MRE11: variants seen among roughly 807,000 people sequenced by gnomAD.
MRE11 encodes double-strand break repair protein MRE11.
In MRE11, 62 loss-of-function variants were observed where a neutral mutation model predicts 91.7. The observed-to-expected ratio is 0.68, with a 90% CI of 0.55 to 0.84. The LOEUF is 0.84. Among genes scored for constraint, MRE11 ranks in the 40% least tolerant of loss-of-function variants. The probability of loss-of-function intolerance (pLI) is 0.00; values close to 1 mark genes in which losing one functional copy is unlikely to be tolerated. For synonymous variants in MRE11, 273 were observed against 271.4 expected (o/e 1.01, Z -0.06); for missense variants, 796 against 852.9 (o/e 0.93, Z 0.83).
chr11:94,422,250 C>G (rs895204721), intron 19 of MRE11, among the ~76,000 whole-genome samples: 3 of 152,044 alleles, frequency 2.0e-5, no homozygotes, highest in Non-Finnish European at 2.9e-5. Flanking sequence ...AGAGGTAAGT[C>G]CTGACTTATA....
intron 11 of MRE11, 91 bp from the exon 12 acceptor site, chr11:94,461,127 C>T (rs759921464): frequency 9.0e-7 from 1 of 1,116,378 alleles, no homozygotes; most frequent in Non-Finnish European, 1.3e-6. Flanking sequence ...GAAGGTAAGG[C>T]CAAACTTTAG....
At chr11:94,497,299 C>T (rs2135161747), upstream of MRE11, 1 of 436,306 alleles carries the variant, frequency 2.3e-6, no homozygotes, top group Middle Eastern at 6.0e-4. Flanking sequence ...CATCATGTAT[C>T]CCTATAAGTA....
Position 94,493,801 on chromosome 11 carries a change from C to A in MRE11, c.-116G>T, listed in dbSNP as rs1947360833. 6.6e-6 allele frequency: 1 copy of A among 152,240 alleles called. No homozygotes were observed. Among genetic ancestry groups the A allele is most frequent in the Non-Finnish European group, 1.5e-5 (1 of 68,064 alleles). 9.4% of individuals were successfully genotyped at this position (152,240 alleles called of 1,614,324 possible). A position where few individuals can be genotyped will look rare whatever the true frequency, so the allele number is the denominator to read the frequency against. ...ACGGTCTGAACTTGCCTCTGAGAAC[C>A]CGCAGGGCCGTAAACCTGAATTCCG... On this transcript the variant is annotated 5_prime_UTR_variant, in exon 1 of 20. Transcript: ENST00000323929.
chr11:94,422,675 CTT>C (rs1240216964), intron 19 of MRE11, among the ~76,000 whole-genome samples: 1 of 151,964 alleles, frequency 6.6e-6, no homozygotes, highest in Non-Finnish European at 1.5e-5. Context: ...CTTGTTAACT[CTT>C]AACATTAACT....
rs549450750 is a variant in MRE11 at position 94,426,021 on chromosome 11, T to C, written c.2070+3890A>G. On this transcript the variant is annotated intron_variant, in intron 19 of 19. Coordinates refer to ENST00000323929, the MANE Select transcript of MRE11 (RefSeq NM_005591.4). Reference sequence around the variant, plus strand: ...AATACTTCATCCAGTAACTGCAGGATACAAATTCTTCCCATCTACACACAG... The same window carrying C: ...AATACTTCATCCAGTAACTGCAGGACACAAATTCTTCCCATCTACACACAG... Among the ~76,000 whole-genome samples the C allele has an allele frequency of 2.0e-5, 3 of 151,976 alleles. No individual in the cohort carries two copies. The South Asian group carries it at 6.2e-4, about 32-fold the overall frequency.
chr11:94,449,342 C>T (rs1797162960), intron 14 of MRE11, among the ~76,000 whole-genome samples: 1 of 152,234 alleles, frequency 6.6e-6, no homozygotes, highest in African/African-American at 2.4e-5. Context: ...ACAGTGATTT[C>T]AATTCATCTT....
At chr11:94,485,306 A>G (rs1947111855) in intron 4 of MRE11, among the ~76,000 whole-genome samples, 1 of 152,150 alleles carries the variant, frequency 6.6e-6, no homozygotes, top group African/African-American at 2.4e-5. Context: ...GGATTGACAA[A>G]TATCATAAAT....
In MRE11 at chr11:94,447,256, C is replaced by T. The variant is rs778762259; in HGVS notation, c.1746G>A (p.Gln582=). Residue 582 remains glutamine (Q), a synonymous_variant, in exon 15 of 20, where the codon CAG becomes CAA. Coordinates refer to ENST00000323929, the MANE Select transcript of MRE11 (RefSeq NM_005591.4). ...GAGACCCTCCTCTCGATGCTGAATT[C>T]TGCCCTCTTCCACCTCTTCGACCTC... ...RGRGRRGGRG[Q]NSASRGGSQR... 1.2e-6 allele frequency: 2 copies of T among 1,613,892 alleles called. No individual in the cohort carries two copies. The highest frequency in any genetic ancestry group is 1.7e-6 in the Non-Finnish European group (2 of 1,180,018).
chr11:94,453,097 TG>T (rs1260984655), intron 14 of MRE11, among the ~76,000 whole-genome samples: 4 of 152,190 alleles, frequency 2.6e-5, no homozygotes, highest in African/African-American at 9.7e-5. Context: ...CTTTTGCAAC[TG>T]TTTTTTTTTC....
chr11:94,444,610 T>C (rs1267397210), intron 16 of MRE11, among the ~76,000 whole-genome samples: 2 of 152,192 alleles, frequency 1.3e-5, no homozygotes, highest in Non-Finnish European at 2.9e-5. Context: ...ATTTGGACAG[T>C]TGGGTATGCC....
At chr11:94,492,575 T>G in intron 2 of MRE11, 3 of 857,832 alleles carry the variant, frequency 3.5e-6, no homozygotes, top group Non-Finnish European at 5.5e-6. Context: ...ACTGCAAGAC[T>G]CCAATCTATA....
At chr11:94,471,529 T>C (rs759676832) in intron 8 of MRE11, 45 bp downstream of exon 8, 1 of 1,580,370 alleles carries the variant, frequency 6.3e-7, no homozygotes, top group South Asian at 1.1e-5. Context: ...TTAGTTATTA[T>C]AGCAAAGATT....
intron 4 of MRE11, among the ~76,000 whole-genome samples, chr11:94,481,222 G>A (rs1947005039): frequency 6.6e-6 from 1 of 151,966 alleles, no homozygotes; most frequent in African/African-American, 2.4e-5. Flanking sequence ...GGCAGGACAA[G>A]TGCTTGAATC....
At chr11:94,478,973 C>T in intron 5 of MRE11, 97 bp from the exon 6 acceptor site, 2 of 1,324,620 alleles carry the variant, frequency 1.5e-6, no homozygotes, top group South Asian at 2.4e-5. Context: ...CCATATTCTA[C>T]TTACAAAAAC....
At chr11:94,453,733 G>A (rs887517637) in intron 14 of MRE11, among the ~76,000 whole-genome samples, 1 of 152,100 alleles carries the variant, frequency 6.6e-6, no homozygotes, top group African/African-American at 2.4e-5. Context: ...CTTATCAGAT[G>A]TATGATTTGC....
At chr11:94,484,383 T>C (rs1405382044) in intron 4 of MRE11, among the ~76,000 whole-genome samples, 3 of 152,168 alleles carry the variant, frequency 2.0e-5, no homozygotes, top group Non-Finnish European at 4.4e-5. Flanking sequence ...CACTGATGAA[T>C]CTAAAATTAA....
At chr11:94,485,881 C>G (rs746571154) in intron 4 of MRE11, 43 bp downstream of exon 4, 2 of 1,579,046 alleles carry the variant, frequency 1.3e-6, no homozygotes, top group South Asian at 1.1e-5. Flanking sequence ...CAGCAAATAC[C>G]ATACACAAGT....
chr11:94,451,501 A>C (rs548429512), intron 14 of MRE11, among the ~76,000 whole-genome samples: 1 of 152,312 alleles, frequency 6.6e-6, no homozygotes, highest in Admixed American at 6.5e-5. Context: ...AGTATGACAC[A>C]GTACTGACAA....
rs117909040 is a variant in MRE11, at chr11:94,451,404, A to T, written c.1564-3966T>A. ...AAAGTTTCGTAGGTAAATTCTACCA[A>T]ACTTTCAAAAAACAGATAAGCCCAC... On this transcript the variant is annotated intron_variant, in intron 14 of 19. Transcript: ENST00000323929. 8.8e-3 allele frequency among the ~76,000 whole-genome samples: 1,348 copies of T among 152,332 alleles called. 12 individuals are homozygous for T. Among genetic ancestry groups the T allele is most frequent in the Middle Eastern group, 0.02 (6 of 294 alleles).
Sources: gnomAD v4.1 joint callset for allele counts (sites outside exome capture counted in the v4.1 genomes callset) on GRCh38, gnomAD v4.1.1 for gene constraint, MANE v1.5 for transcripts, NCBI Gene and HGNC (gene_info 2026-07-23, HGNC 2026-07-21) for gene names.